The following A3GALT2 variants were observed in gnomAD, a reference collection of about 807,000 sequenced individuals.
A3GALT2 encodes alpha-1,3-galactosyltransferase 2.
Under a neutral mutation model 16.6 loss-of-function variants are expected in A3GALT2, and 14 were observed. That is an observed-to-expected ratio of 0.84 (90% CI 0.56 to 1.32). The LOEUF is 1.32. A3GALT2 is among the 40% of genes most tolerant of loss of function. A3GALT2 has a pLI of 0.00. For synonymous variants in A3GALT2, 253 were observed against 218.0 expected, an observed-to-expected ratio of 1.16 and a Z score of -1.42; for missense variants, 600 against 490.9, an observed-to-expected ratio of 1.22 and a Z score of -2.10.
At chr1:33,317,496 A>G (rs909458004) in intron 1 of A3GALT2, among the ~76,000 whole-genome samples, 1 of 152,206 alleles carries the variant, frequency 6.6e-6, no homozygotes, top group Non-Finnish European at 1.5e-5. Flanking sequence ...AGTGCAGGAC[A>G]CCGTCCACAT....
intron 1 of A3GALT2, 62 bp from the exon 2 acceptor site, chr1:33,312,952 C>A (rs1193206757): frequency 3.2e-6 from 4 of 1,252,970 alleles, no homozygotes; most frequent in East Asian, 5.0e-5. Flanking sequence ...TATTTATATG[C>A]ACACATACAT....
At chr1:33,318,121 G>A (rs532989547) in intron 1 of A3GALT2, among the ~76,000 whole-genome samples, 2 of 152,298 alleles carry the variant, frequency 1.3e-5, no homozygotes, top group South Asian at 2.1e-4. Flanking sequence ...CTGTGCACTC[G>A]AGCCTTTGCA....
In A3GALT2 at chr1:33,320,542, T is replaced by C. The variant is rs938781132; in HGVS notation, c.23+534A>G. Among the ~76,000 whole-genome samples the C allele has an allele frequency of 2.0e-5, 3 of 151,938 alleles. No homozygotes were observed. Among genetic ancestry groups the C allele is most frequent in the Non-Finnish European group, 4.4e-5 (3 of 68,006 alleles). ...GGAGCCCGTGGTCTGTGGAGGCCCCTGATCAGTCCACTCCTCCACATTTCT... is the reference window on the plus strand; with the variant it reads ...GGAGCCCGTGGTCTGTGGAGGCCCCCGATCAGTCCACTCCTCCACATTTCT... On this transcript the variant is annotated intron_variant, in intron 1 of 4. Transcript: ENST00000442999. The surrounding 1 kb of genome is among the most constrained non-coding windows in gnomAD (Gnocchi z 4.3).
chr1:33,312,397 C>T (rs1646237190), intron 3 of A3GALT2, 104 bp downstream of exon 3: 8 of 1,325,082 alleles, frequency 6.0e-6, no homozygotes, highest in African/African-American at 1.5e-5. Context: ...TGGCAGAGTG[C>T]CTGGCTCTGC....
At chr1:33,308,290 A>G (rs1646213468) in intron 4 of A3GALT2, among the ~76,000 whole-genome samples, 1 of 151,560 alleles carries the variant, frequency 6.6e-6, no homozygotes, top group South Asian at 2.1e-4. Flanking sequence ...ATGAGTGAGG[A>G]AGCCTAAGCT....
At chr1:33,310,365 C>T (rs1056245968) in intron 4 of A3GALT2, among the ~76,000 whole-genome samples, 1 of 151,774 alleles carries the variant, frequency 6.6e-6, no homozygotes, top group African/African-American at 2.4e-5. Context: ...AGAGGAAGAC[C>T]GGGGAGAGGG....
intron 1 of A3GALT2, among the ~76,000 whole-genome samples, chr1:33,315,197 C>CG (rs1646255949): frequency 6.6e-6 from 1 of 152,134 alleles, no homozygotes; most frequent in Non-Finnish European, 1.5e-5. Context: ...TCCTGGCCAA[C>CG]ACGGTGAAAC....
intron 2 of A3GALT2, 44 bp from the exon 3 acceptor site, chr1:33,312,634 A>G (rs948150285): frequency 3.3e-6 from 5 of 1,519,102 alleles, no homozygotes; most frequent in African/African-American, 1.4e-5. Flanking sequence ...CGTGAGAAGC[A>G]TGTCAGCCTG....
rs1232350550 is a variant in A3GALT2 at position 33,320,563 on chromosome 1, T to A, written c.23+513A>T. On this transcript the variant is annotated intron_variant, in intron 1 of 4. Coordinates refer to ENST00000442999, the MANE Select transcript of A3GALT2 (RefSeq NM_001080438.1). The surrounding 1 kb of genome is among the most constrained non-coding windows in gnomAD (Gnocchi z 4.3). Reference sequence around the variant, plus strand: ...CCCCTGATCAGTCCACTCCTCCACATTTCTTGTTCAGGTTCTACCTGCAGA... The same window carrying A: ...CCCCTGATCAGTCCACTCCTCCACAATTCTTGTTCAGGTTCTACCTGCAGA... Among the ~76,000 whole-genome samples the A allele has an allele frequency of 1.3e-5, 2 of 151,960 alleles. No homozygotes were observed. The highest frequency in any genetic ancestry group is 4.8e-5 in the African/African-American group (2 of 41,442).
rs977586971 is a variant in A3GALT2 at position 33,320,129 on chromosome 1, A to G, written c.23+947T>C. Among the ~76,000 whole-genome samples, 2 of 151,692 alleles carry G rather than the reference A, an allele frequency of 1.3e-5. No homozygotes were observed. The highest frequency in any genetic ancestry group is 2.9e-5 in the Non-Finnish European group (2 of 67,984). ...GCTTGGCTTCTTCCCTTCGCACTCT[A>G]TTCAGCTCCTGTCTGAGCTCCTGGA... On this transcript the variant is annotated intron_variant, in intron 1 of 4. Transcript: ENST00000442999. The surrounding 1 kb of genome is among the most constrained non-coding windows in gnomAD (Gnocchi z 4.3).
rs751486455 is a variant in A3GALT2, at chr1:33,307,274, A to C, written c.515T>G (p.Val172Gly). 9.0e-6 allele frequency: 13 copies of C among 1,445,984 alleles called. No homozygotes were observed. The South Asian group carries it at 1.8e-4, about 20-fold the overall frequency. The allele number at this position is 1,445,984 out of a possible 1,614,324, so 89.6% of individuals were successfully genotyped here. ...RVARERRWQDVSMARMRTLHA... is the reference protein window; with the variant it reads ...RVARERRWQDGSMARMRTLHA... ...CAACGTGCGCATGCGCGCCATCGAC[A>C]CGTCTTGCCAGCGCCGCTCGCGCGC... is the stretch of plus-strand genomic sequence containing the variant. Residue 172 changes from valine (V) to glycine (G), a missense_variant, in exon 5 of 5, where the codon GTG becomes GGG. Physicochemically the swap from Val to Gly is moderately radical, Grantham distance 109. Transcript: ENST00000442999.
chr1:33,307,181 T>C lies in A3GALT2; in HGVS notation c.608A>G (p.His203Arg), dbSNP rs773474485. 2.6e-5 allele frequency: 40 copies of C among 1,550,638 alleles called. 1 individual carries two copies. In the South Asian group the frequency reaches 4.3e-4, roughly 17 times the overall value. ...HFMFCMDVDQ[H>R]FSGTFGPEAL... ...CTCGGGCCCAAAAGTGCCGCTGAAG[T>C]GCTGGTCCACGTCCATGCAGAACAT... The change falls in exon 5 of 5, where the codon CAC becomes CGC. Residue 203 changes from histidine (H) to arginine (R), a missense_variant. By Grantham distance (29) the His-to-Arg change is conservative. Coordinates refer to ENST00000442999, the MANE Select transcript of A3GALT2 (RefSeq NM_001080438.1).
intron 4 of A3GALT2, 128 bp from the exon 5 acceptor site, chr1:33,307,581 C>CCCCACCCTCACCCCCACCTCAT: frequency 1.8e-6 from 1 of 565,370 alleles, no homozygotes. Flanking sequence ...CCCACTCCCA[C>CCCCACCCTCACCCCCACCTCAT]CCCACCCTCA....
chr1:33,307,284 A>T lies in A3GALT2; in HGVS notation c.505T>A (p.Trp169Arg). Residue 169 changes from tryptophan to arginine, a missense_variant, in exon 5 of 5, where the codon TGG (tryptophan) becomes AGG (arginine). Transcript: ENST00000442999. ...ATGCGCGCCATCGACACGTCTTGCC[A>T]GCGCCGCTCGCGCGCCACGCGCTCC... ...PVERVARERR[W>R]QDVSMARMRT... is the part of the protein sequence containing the mutation. 1.4e-6 allele frequency: 2 copies of T among 1,440,624 alleles called. No homozygotes were observed. Among genetic ancestry groups the T allele is most frequent in the South Asian group, 2.9e-5 (2 of 69,600 alleles). The allele number at this position is 1,440,624 out of a possible 1,614,324, so 89.2% of individuals were successfully genotyped here.
Position 33,307,525 on chromosome 1 carries a change from T to C in A3GALT2, c.336-72A>G, listed in dbSNP as rs1377711905. ...CCCGGCCTCCCCACCTCATCTCACC[T>C]CTACTCCCACCCCACCCTCACCCCC... On this transcript the variant is annotated intron_variant, in intron 4 of 4. Coordinates refer to ENST00000442999, the MANE Select transcript of A3GALT2 (RefSeq NM_001080438.1). 1.9e-4 allele frequency: 219 copies of C among 1,145,188 alleles called. No homozygotes were observed. The East Asian group carries it at 4.3e-3, about 22-fold the overall frequency. 70.9% of individuals were successfully genotyped at this position (1,145,188 alleles called of 1,614,324 possible). A position where few individuals can be genotyped will look rare whatever the true frequency, so the allele number is the denominator to read the frequency against.
chr1:33,319,191 C>T (rs1291282205), intron 1 of A3GALT2, among the ~76,000 whole-genome samples: 1 of 152,176 alleles, frequency 6.6e-6, no homozygotes, highest in Non-Finnish European at 1.5e-5. Context: ...GGGGAGAAAG[C>T]AGGGGTCCAT....
chr1:33,312,283 G>T, intron 3 of A3GALT2, 94 bp from the exon 4 acceptor site: 1 of 1,524,898 alleles, frequency 6.6e-7, no homozygotes, highest in Non-Finnish European at 8.8e-7. Context: ...GAGCCCTAGG[G>T]ACCCATAGAC....
At chr1:33,312,477 G>C in intron 3 of A3GALT2, 24 bp downstream of exon 3, 1 of 1,558,230 alleles carries the variant, frequency 6.4e-7, no homozygotes, top group Non-Finnish European at 8.7e-7. Flanking sequence ...TGCCCTTGGA[G>C]TAGGAGGGAT....
Position 33,307,232 on chromosome 1 carries a change from C to G in A3GALT2, c.557G>C (p.Gly186Ala). The G allele has an allele frequency of 6.7e-7, 1 of 1,485,818 alleles. No individual in the cohort carries two copies. Among genetic ancestry groups the G allele is most frequent in the Non-Finnish European group, 8.9e-7 (1 of 1,118,750 alleles). 92.0% of individuals were successfully genotyped at this position (1,485,818 alleles called of 1,614,324 possible). ...GAAGTGCGCCTCGCGGCCCGGCAGC[C>G]CGCCCAGCGCCGCGTGCAACGTGCG... ...RMRTLHAALG[G>A]LPGREAHFMF... Residue 186 changes from glycine (G) to alanine (A), a missense_variant, in exon 5 of 5, where the codon GGG becomes GCG. By Grantham distance (60) the Gly-to-Ala change is moderately conservative (BLOSUM62 0). Transcript: ENST00000442999.
Sources: allele counts gnomAD v4.1 joint callset (sites outside exome capture counted in the v4.1 genomes callset), GRCh38; gene constraint gnomAD v4.1.1; non-coding constraint Gnocchi (gnomAD v3.1); transcripts MANE v1.5; gene names NCBI Gene and HGNC (gene_info 2026-07-23, HGNC 2026-07-21).